Variants in CAGE1 observed in about 807,000 individuals in gnomAD.
CAGE1 encodes cancer antigen 1.
A neutral mutation model predicts 94.9 loss-of-function variants in CAGE1; 66 were observed. That is an observed-to-expected ratio of 0.70 (90% CI 0.57 to 0.85). The LOEUF (loss-of-function observed/expected upper bound fraction) is 0.85. CAGE1 is among the 40% of genes least tolerant of loss of function. The probability of loss-of-function intolerance (pLI) is 0.00; values close to 1 mark genes in which losing one functional copy is unlikely to be tolerated. For missense variants in CAGE1, 865 were observed against 950.4 expected (o/e 0.91, Z 1.18); for synonymous variants, 319 against 321.0 (o/e 0.99, Z 0.07).
chr6:7,349,873 G>A (rs114653237), intron 11 of CAGE1, among the ~76,000 whole-genome samples: 191 of 150,636 alleles, frequency 1.3e-3, no homozygotes, highest in African/African-American at 4.3e-3. Flanking sequence ...CAAGGTTGCC[G>A]TGAGCCAAGA....
At position 7,370,298 on chromosome 6, in the gene CAGE1, T is replaced by C. The variant is rs142106848; in HGVS notation, c.1747-233A>G. Reference sequence around the variant, plus strand: ...TGTAGAAGCATAAATAACAATTTATTTATTTATTTATTTTTGAGCCAGGGT... The same window carrying C: ...TGTAGAAGCATAAATAACAATTTATCTATTTATTTATTTTTGAGCCAGGGT... On this transcript the variant is annotated intron_variant, in intron 5 of 13. Transcript: ENST00000502583. 2.6e-3 allele frequency among the ~76,000 whole-genome samples: 403 copies of C among 152,216 alleles called. 4 individuals are homozygous for C. Among genetic ancestry groups the C allele is most frequent in the African/African-American group, 9.2e-3 (383 of 41,530 alleles).
intron 5 of CAGE1, among the ~76,000 whole-genome samples, chr6:7,372,251 C>G (rs1012637282): frequency 2.6e-5 from 4 of 152,106 alleles, no homozygotes; most frequent in Non-Finnish European, 4.4e-5. Context: ...GCAGGTGGAT[C>G]ACTTGAGGTC....
intron 7 of CAGE1, among the ~76,000 whole-genome samples, chr6:7,367,093 A>T (rs1360853392): frequency 1.3e-5 from 2 of 152,154 alleles, no homozygotes; most frequent in East Asian, 3.8e-4. Context: ...CCACGTAACT[A>T]TCATTCAGCT....
At chr6:7,328,784 G>A (rs1758618299) in intron 13 of CAGE1, among the ~76,000 whole-genome samples, 1 of 151,682 alleles carries the variant, frequency 6.6e-6, no homozygotes, top group Non-Finnish European at 1.5e-5. Context: ...AAGAACTGAT[G>A]AATGTCTGGA....
At chr6:7,357,331 C>T (rs377064128) in intron 9 of CAGE1, among the ~76,000 whole-genome samples, 15 of 152,108 alleles carry the variant, frequency 9.9e-5, no homozygotes, top group African/African-American at 3.1e-4. Context: ...ATTTAAAAGA[C>T]TTTTGAAGTA....
intron 5 of CAGE1, among the ~76,000 whole-genome samples, chr6:7,370,391 T>C (rs1760498778): frequency 6.6e-6 from 1 of 152,096 alleles, no homozygotes; most frequent in Admixed American, 6.6e-5. Context: ...ATGCCTAGGC[T>C]CACACAATCC....
intron 4 of CAGE1, 71 bp from the exon 5 acceptor site, chr6:7,374,202 T>G (rs548065237): frequency 2.3e-5 from 29 of 1,267,050 alleles, no homozygotes; most frequent in Admixed American, 4.3e-5. Context: ...CAAATAGGGC[T>G]GGCCTTGAAT....
rs933340185 is a variant in CAGE1, at chr6:7,333,822, C to T, written c.2438+200G>A. ...AGCTGGGATTACAGGCACGTGCCAC[C>T]ATGCCCGGCTAATTTTCGTATTTTT... On this transcript the variant is annotated intron_variant, in intron 12 of 13. Coordinates refer to ENST00000502583, the MANE Select transcript of CAGE1 (RefSeq NM_001170692.2). Among the ~76,000 whole-genome samples the T allele has an allele frequency of 6.0e-4, 91 of 151,920 alleles. 1 individual carries two copies. Among genetic ancestry groups the T allele is most frequent in the African/African-American group, 2.1e-3 (87 of 41,508 alleles).
rs1760607836 is a variant in CAGE1 at position 7,373,158 on chromosome 6, C to T, written c.1661G>A (p.Ser554Asn). 6.2e-7 allele frequency: 1 copy of T among 1,613,808 alleles called. No homozygotes were observed. Among genetic ancestry groups the T allele is most frequent in the Non-Finnish European group, 8.5e-7 (1 of 1,179,858 alleles). The change falls in exon 5 of 14, where the codon AGT (serine) becomes AAT (asparagine). Residue 554 changes from serine (S) to asparagine (N), a missense_variant. Transcript: ENST00000502583. ...NAKLKQQVAR[S>N]EEQNYVPKFE... ...TTTAGGGACATAATTTTGCTCTTCA[C>T]TCCTTGCAACCTGCTGTTTAAGTTT...
chr6:7,381,615 A>G (rs1250702600), intron 3 of CAGE1, among the ~76,000 whole-genome samples: 1 of 140,792 alleles, frequency 7.1e-6, no homozygotes, highest in East Asian at 2.1e-4. Flanking sequence ...TGCAACCTCC[A>G]CCTCCTGGGT....
At chr6:7,386,478 G>A (rs1384219334) in intron 2 of CAGE1, among the ~76,000 whole-genome samples, 1 of 152,198 alleles carries the variant, frequency 6.6e-6, no homozygotes, top group Admixed American at 6.5e-5. Flanking sequence ...TTTGCATACT[G>A]ATGTAAGTGG....
intron 12 of CAGE1, among the ~76,000 whole-genome samples, chr6:7,333,640 A>G (rs1378930379): frequency 3.1e-5 from 2 of 64,344 alleles, no homozygotes; most frequent in Non-Finnish European, 5.6e-5. Context: ...CTATCTAACT[A>G]TCTATATATA....
chr6:7,381,470 T>C (rs1008729965), intron 3 of CAGE1, among the ~76,000 whole-genome samples: 1 of 152,114 alleles, frequency 6.6e-6, no homozygotes, highest in Admixed American at 6.6e-5. Flanking sequence ...CAGTTTGTGG[T>C]GTTTTGTTAT....
At chr6:7,388,458 C>T (rs146012229) in intron 1 of CAGE1, among the ~76,000 whole-genome samples, 231 of 152,284 alleles carry the variant, frequency 1.5e-3, no homozygotes, top group Middle Eastern at 0.014. Flanking sequence ...TAGAGCTTCA[C>T]CACTGTTTCA....
intron 13 of CAGE1, among the ~76,000 whole-genome samples, 161 bp downstream of exon 13, chr6:7,329,688 A>G (rs1283962034): frequency 6.6e-6 from 1 of 152,194 alleles, no homozygotes; most frequent in East Asian, 1.9e-4. Context: ...TTATAGCACC[A>G]GCTATGACAG....
At chr6:7,378,562 G>A in intron 4 of CAGE1, 55 bp downstream of exon 4, 1 of 1,450,040 alleles carries the variant, frequency 6.9e-7, no homozygotes, top group South Asian at 1.4e-5. Context: ...AGATGAACTA[G>A]GTTAGAACTA....
chr6:7,346,672 C>T (rs914995417), intron 11 of CAGE1, among the ~76,000 whole-genome samples: 2 of 151,024 alleles, frequency 1.3e-5, no homozygotes, highest in South Asian at 2.1e-4. Flanking sequence ...CACGGCAAAA[C>T]CCTGTCTCTA....
At chr6:7,345,135 C>G (rs912012158) in intron 11 of CAGE1, among the ~76,000 whole-genome samples, 1 of 41,952 alleles carries the variant, frequency 2.4e-5, no homozygotes, top group Non-Finnish European at 4.4e-5. Flanking sequence ...ATCCATATTG[C>G]TTTTAGGAGC....
chr6:7,375,241 T>A (rs1258569910), intron 4 of CAGE1, among the ~76,000 whole-genome samples: 3 of 151,622 alleles, frequency 2.0e-5, no homozygotes, highest in Admixed American at 6.6e-5. Flanking sequence ...AAACCCCATC[T>A]CTACTAAAAA....
Sources: allele counts gnomAD v4.1 joint callset (sites outside exome capture counted in the v4.1 genomes callset), GRCh38; gene constraint gnomAD v4.1.1; transcripts MANE v1.5; gene names NCBI Gene and HGNC (gene_info 2026-07-23, HGNC 2026-07-21).